The following KCNH1 variants were observed in gnomAD, a reference collection of about 807,000 sequenced individuals.
The protein encoded by KCNH1 is potassium voltage-gated channel subfamily H member 1, also known as voltage-gated delayed rectifier potassium channel KCNH1.
KCNH1 carries 27 observed loss-of-function variants against 69.2 expected under a neutral mutation model. That is an observed-to-expected ratio of 0.39 (90% confidence interval 0.29 to 0.54). KCNH1 has a LOEUF of 0.54. Among genes scored for constraint, KCNH1 ranks in the 20% least tolerant of loss-of-function variants. The pLI, the probability that KCNH1 is intolerant of heterozygous loss-of-function variation, is 0.68. For synonymous variants in KCNH1, 456 were observed against 487.7 expected (o/e 0.93, Z 0.86); for missense variants, 798 against 1,261.6 (o/e 0.63, Z 5.57).
chr1:210,749,319 T>C (rs1214359888), intron 10 of KCNH1, among the ~76,000 whole-genome samples: 1 of 152,190 alleles, frequency 6.6e-6, no homozygotes, highest in Non-Finnish European at 1.5e-5. Flanking sequence ...GGAGAGATTT[T>C]ACCTGAGCTT....
At chr1:211,066,553 T>C (rs796734221) in intron 5 of KCNH1, among the ~76,000 whole-genome samples, 11 of 152,316 alleles carry the variant, frequency 7.2e-5, no homozygotes, top group Admixed American at 2.6e-4. Flanking sequence ...CTCATTCCAG[T>C]GTTCAAAAAG....
At position 211,099,488 on chromosome 1, in the gene KCNH1, G is replaced by A. The variant is rs535037041; in HGVS notation, c.310+4008C>T. ...TGAATGTTTTACTCTATTGAACAGCGAAGTTTGAAAGTAGAAGCAAACTCT... is the reference window on the plus strand; with the variant it reads ...TGAATGTTTTACTCTATTGAACAGCAAAGTTTGAAAGTAGAAGCAAACTCT... On this transcript the variant is annotated intron_variant, in intron 3 of 10. Coordinates refer to ENST00000271751, the MANE Select transcript of KCNH1 (RefSeq NM_172362.3). Among the ~76,000 whole-genome samples the A allele has an allele frequency of 1.4e-3, 209 of 152,124 alleles. 1 individual carries two copies. The highest frequency in any genetic ancestry group is 4.8e-3 in the African/African-American group (200 of 41,478).
intron 7 of KCNH1, among the ~76,000 whole-genome samples, chr1:210,890,176 G>A (rs1240055288): frequency 1.3e-5 from 2 of 152,120 alleles, no homozygotes; most frequent in Non-Finnish European, 2.9e-5. Flanking sequence ...AATCAGCTCG[G>A]TACTGGTACC....
At chr1:210,709,925 T>C (rs760045522) in intron 10 of KCNH1, among the ~76,000 whole-genome samples, 1 of 152,242 alleles carries the variant, frequency 6.6e-6, no homozygotes, top group Non-Finnish European at 1.5e-5. Flanking sequence ...ACAATCACTA[T>C]GCTAATTAGT....
At chr1:211,026,073 C>T (rs1222554939) in intron 5 of KCNH1, among the ~76,000 whole-genome samples, 1 of 152,142 alleles carries the variant, frequency 6.6e-6, no homozygotes, top group Non-Finnish European at 1.5e-5. Flanking sequence ...TCGTTACTCC[C>T]ACGACCTGGT....
At chr1:211,027,844 A>C (rs943171137) in intron 5 of KCNH1, among the ~76,000 whole-genome samples, 2 of 152,174 alleles carry the variant, frequency 1.3e-5, no homozygotes, top group Non-Finnish European at 2.9e-5. Context: ...TGATAAAATC[A>C]AAAGGAGAAA....
chr1:211,105,689 G>A (rs571076068), intron 2 of KCNH1, among the ~76,000 whole-genome samples: 1 of 152,306 alleles, frequency 6.6e-6, no homozygotes, highest in Non-Finnish European at 1.5e-5. Context: ...AATAAGAAAG[G>A]TAAGGAAAGG....
chr1:210,858,018 G>T (rs1685893590), intron 7 of KCNH1: 1 of 152,092 alleles, frequency 6.6e-6, no homozygotes, highest in Admixed American at 6.5e-5. Context: ...TATGCATTTT[G>T]TACTCTTTCT....
At chr1:210,772,735 C>T (rs1683776395) in intron 10 of KCNH1, among the ~76,000 whole-genome samples, 1 of 152,114 alleles carries the variant, frequency 6.6e-6, no homozygotes. Flanking sequence ...AAATTTGATA[C>T]ACTCAAAGCA....
At chr1:211,043,280 T>G (rs939237781) in intron 5 of KCNH1, among the ~76,000 whole-genome samples, 1 of 152,156 alleles carries the variant, frequency 6.6e-6, no homozygotes, top group Non-Finnish European at 1.5e-5. Context: ...ATGTTACAAC[T>G]GACACCACTG....
chr1:210,740,134 G>T (rs180821146), intron 10 of KCNH1, among the ~76,000 whole-genome samples: 78 of 152,264 alleles, frequency 5.1e-4, no homozygotes, highest in African/African-American at 1.8e-3. Flanking sequence ...GGATATGCTA[G>T]ATAGAAGGAT....
chr1:210,819,341 G>A (rs1684880312), intron 7 of KCNH1, among the ~76,000 whole-genome samples: 1 of 152,114 alleles, frequency 6.6e-6, no homozygotes, highest in Non-Finnish European at 1.5e-5. Context: ...AGAGAAAAAG[G>A]TGATTTTAAG....
chr1:211,021,575 T>TAC (rs34414913), intron 5 of KCNH1, among the ~76,000 whole-genome samples: 12,466 of 149,606 alleles, frequency 0.083, 858 homozygotes, highest in African/African-American at 0.19. Flanking sequence ...AAACATAGAC[T>TAC]ACACACACAC....
intron 5 of KCNH1, chr1:211,063,765 G>C (rs1306373200): frequency 6.9e-6 from 1 of 145,696 alleles, no homozygotes; most frequent in Admixed American, 6.8e-5. Flanking sequence ...AAGAGAGATG[G>C]TTAATGGGTA....
chr1:210,688,879 G>A (rs1274565440), intron 10 of KCNH1, among the ~76,000 whole-genome samples: 1 of 152,202 alleles, frequency 6.6e-6, no homozygotes, highest in Non-Finnish European at 1.5e-5. Flanking sequence ...CCTGGTGATA[G>A]AAAACTACTC....
intron 7 of KCNH1, chr1:210,858,944 C>T (rs1685915015): frequency 2.2e-6 from 1 of 457,516 alleles, no homozygotes; most frequent in African/African-American, 2.0e-5. Flanking sequence ...AAAATACACC[C>T]CCTAAGGTAC....
chr1:210,683,238 G>A lies in KCNH1; in HGVS notation c.*43C>T, dbSNP rs539777684. On this transcript the variant is annotated 3_prime_UTR_variant, in exon 11 of 11. Coordinates refer to ENST00000271751, the MANE Select transcript of KCNH1 (RefSeq NM_172362.3). The surrounding 1 kb of genome is among the most constrained non-coding windows in gnomAD (Gnocchi z 5.7). ...GTGGTAGGGGTGGTGGTGACGGCAG[G>A]GTTGGAGGTATCTGTCTCTGACTTT... 1.3e-6 allele frequency: 2 copies of A among 1,578,794 alleles called. No individual in the cohort carries two copies. Among genetic ancestry groups the A allele is most frequent in the South Asian group, 1.2e-5 (1 of 86,414 alleles).
At position 210,859,651 on chromosome 1, in the gene KCNH1, T is replaced by G. The variant is rs987408812; in HGVS notation, c.1463-55485A>C. On this transcript the variant is annotated intron_variant, in intron 7 of 10. Coordinates refer to ENST00000271751, the MANE Select transcript of KCNH1 (RefSeq NM_172362.3). ...ATCACTGTCATTCTTGTGTTCTGCA[T>G]GGCAGGCATATGCTCTTTTTAATCC... 2.3e-6 allele frequency: 3 copies of G among 1,324,820 alleles called. No homozygotes were observed. In the African/African-American group the frequency reaches 4.3e-5, roughly 19 times the overall value. The allele number at this position is 1,324,820 out of a possible 1,614,324, so 82.1% of individuals were successfully genotyped here.
intron 6 of KCNH1, among the ~76,000 whole-genome samples, chr1:210,954,744 A>T (rs1326708994): frequency 2.6e-5 from 4 of 151,862 alleles, no homozygotes; most frequent in Non-Finnish European, 5.9e-5. Context: ...CCACTTTTTG[A>T]TGGGGTTGTT....
Sources: gnomAD v4.1 joint callset for allele counts (sites outside exome capture counted in the v4.1 genomes callset) on GRCh38, gnomAD v4.1.1 for gene constraint, Gnocchi (gnomAD v3.1) non-coding constraint, MANE v1.5 for transcripts, NCBI Gene and HGNC (gene_info 2026-07-23, HGNC 2026-07-21) for gene names.